Variants in ZNF540 observed in about 807,000 individuals in gnomAD.
ZNF540 encodes CTD-3064H18.6.
A neutral mutation model predicts 11.8 loss-of-function variants in ZNF540; 3 were observed. The observed-to-expected ratio is 0.25, with a 90% CI of 0.12 to 0.65. ZNF540 has a LOEUF of 0.65. Among genes scored for constraint, ZNF540 ranks in the 30% least tolerant of loss-of-function variants. The pLI is 0.83. For missense variants in ZNF540, 709 were observed against 793.1 expected, an observed-to-expected ratio of 0.89 and a Z score of 1.27; for synonymous variants, 247 against 259.0, an observed-to-expected ratio of 0.95 and a Z score of 0.45.
intron 1 of ZNF540, among the ~76,000 whole-genome samples, chr19:37,566,970 C>T (rs548100318): frequency 6.6e-6 from 1 of 152,208 alleles, no homozygotes; most frequent in Admixed American, 6.5e-5. Context: ...CATCACTTAC[C>T]ACTCCCCTAA....
chr19:37,577,321 C>A (rs530421127), intron 1 of ZNF540, among the ~76,000 whole-genome samples: 1 of 152,166 alleles, frequency 6.6e-6, no homozygotes, highest in South Asian at 2.1e-4. Flanking sequence ...TTTATTAAAA[C>A]CAGCCTACAT....
chr19:37,576,026 G>A (rs2147177743), intron 1 of ZNF540, among the ~76,000 whole-genome samples: 1 of 151,024 alleles, frequency 6.6e-6, no homozygotes. Context: ...TTAACTACAG[G>A]TAAGGCATAC....
At chr19:37,589,149 G>A (rs1413552690) in intron 1 of ZNF540, among the ~76,000 whole-genome samples, 7 of 141,378 alleles carry the variant, frequency 5.0e-5, no homozygotes, top group East Asian at 4.2e-4. Flanking sequence ...GCAGTGAGCC[G>A]AGATCATGCC....
chr19:37,609,474 G>A (rs1256207160), intron 4 of ZNF540, among the ~76,000 whole-genome samples: 2 of 152,116 alleles, frequency 1.3e-5, no homozygotes, highest in Non-Finnish European at 2.9e-5. Flanking sequence ...GAACCTGGGA[G>A]GCAGCGGTTG....
At chr19:37,588,596 A>C (rs1485745650) in intron 1 of ZNF540, among the ~76,000 whole-genome samples, 1 of 152,136 alleles carries the variant, frequency 6.6e-6, no homozygotes, top group Non-Finnish European at 1.5e-5. Context: ...AAACCTACCT[A>C]CCTATCAGGT....
intron 1 of ZNF540, among the ~76,000 whole-genome samples, chr19:37,556,613 C>A (rs980816908): frequency 6.6e-6 from 1 of 152,166 alleles, no homozygotes; most frequent in Non-Finnish European, 1.5e-5. Flanking sequence ...GAATTGGATT[C>A]GGATGGGTTC....
intron 1 of ZNF540, among the ~76,000 whole-genome samples, chr19:37,596,477 C>A (rs1201323259): frequency 6.6e-6 from 1 of 152,160 alleles, no homozygotes; most frequent in Non-Finnish European, 1.5e-5. Flanking sequence ...TTGCAGACTC[C>A]CAATCTATAT....
chr19:37,587,828 A>C (rs532513583), intron 1 of ZNF540, among the ~76,000 whole-genome samples: 4 of 152,134 alleles, frequency 2.6e-5, no homozygotes, highest in Non-Finnish European at 4.4e-5. Flanking sequence ...CATTAAGAAT[A>C]CATGGGTTGG....
intron 1 of ZNF540, among the ~76,000 whole-genome samples, chr19:37,560,187 A>G (rs2042701914): frequency 6.6e-6 from 1 of 151,690 alleles, no homozygotes; most frequent in Admixed American, 6.6e-5. Flanking sequence ...CTGAGGCAGG[A>G]GAATTGCTTA....
chr19:37,567,943 T>TC lies in ZNF540; in HGVS notation c.-73+16279dup, dbSNP rs1600465917. Among the ~76,000 whole-genome samples, 4 of 152,334 alleles carry TC rather than the reference T, an allele frequency of 2.6e-5. No homozygotes were observed. The East Asian group carries it at 7.7e-4, about 29-fold the overall frequency. Reference sequence around the variant, plus strand: ...TGTTTTATTCCTTTAATATAGTTTTTCATGTCTTACTTTCCAATATTTATT... The same window carrying TC: ...TGTTTTATTCCTTTAATATAGTTTTTCCATGTCTTACTTTCCAATATTTATT... On this transcript the variant is annotated intron_variant, in intron 1 of 4. Coordinates refer to the ZNF540 transcript ENST00000592533.
chr19:37,611,295 G>A (rs909841688), intron 4 of ZNF540: 1 of 326,296 alleles, frequency 3.1e-6, no homozygotes, highest in Non-Finnish European at 5.6e-6. Flanking sequence ...CCAAAGTGCT[G>A]AGATTACAGG....
intron 2 of ZNF540, among the ~76,000 whole-genome samples, chr19:37,598,915 G>T (rs1043998782): frequency 6.6e-6 from 1 of 152,140 alleles, no homozygotes; most frequent in Non-Finnish European, 1.5e-5. Flanking sequence ...AAAACCCATA[G>T]TAAGACGCAT....
chr19:37,602,328 G>A (rs2044045666), intron 4 of ZNF540, among the ~76,000 whole-genome samples: 1 of 152,172 alleles, frequency 6.6e-6, no homozygotes, highest in Admixed American at 6.5e-5. Context: ...TCGAGATGTT[G>A]AACAGAGATG....
intron 1 of ZNF540, chr19:37,565,004 TCATA>T: frequency 6.2e-7 from 1 of 1,613,980 alleles, no homozygotes; most frequent in Non-Finnish European, 8.5e-7. Flanking sequence ...TTCCTTACAT[TCATA>T]ATGTTTCTCA....
In ZNF540 at chr19:37,612,652, CAG is replaced by C; in HGVS notation, c.1376_1377del (p.Arg459ThrfsTer11). ...FMLRSVLTEH[Q>X]RLHTGVKPYE... is the part of the protein sequence containing the mutation. ...GCTTCGTTCAGTCCTTACTGAACAT[CAG>C]AGACTTCATACTGGTGTGAAGCCCT... On this transcript the variant is annotated frameshift_variant, in exon 5 of 5. Transcript: ENST00000316433. LOFTEE classifies it low-confidence loss of function (END_TRUNC). The C allele has an allele frequency of 6.2e-7, 1 of 1,613,976 alleles. No individual in the cohort carries two copies. The highest frequency in any genetic ancestry group is 8.5e-7 in the Non-Finnish European group (1 of 1,179,952).
chr19:37,576,247 T>C (rs2043239262), intron 1 of ZNF540, among the ~76,000 whole-genome samples: 1 of 152,212 alleles, frequency 6.6e-6, no homozygotes, highest in African/African-American at 2.4e-5. Context: ...ATTTTCCACA[T>C]ATAAGCTAAT....
intron 1 of ZNF540, chr19:37,554,715 T>G (rs1043976811): frequency 6.6e-6 from 1 of 152,204 alleles, no homozygotes; most frequent in Admixed American, 6.5e-5. Context: ...TTCCCACAGA[T>G]CACCAAGACT....
Position 37,569,244 on chromosome 19 carries a change from C to T in ZNF540, c.-73+17579C>T, listed in dbSNP as rs1255246505. On this transcript the variant is annotated intron_variant, in intron 1 of 4. Transcript: ENST00000592533. This position sits in a 1 kb window ranked among gnomAD's most constrained non-coding sequence, Gnocchi z 4.4. ...CTAGGATTACAGGCATGAGTCACTGCGCCTGGCCCCAAAGCATCCGGAACC... is the reference window on the plus strand; with the variant it reads ...CTAGGATTACAGGCATGAGTCACTGTGCCTGGCCCCAAAGCATCCGGAACC... Among the ~76,000 whole-genome samples the T allele has an allele frequency of 1.3e-5, 2 of 152,026 alleles. No homozygotes were observed. The highest frequency in any genetic ancestry group is 3.9e-4 in the East Asian group (2 of 5,178).
chr19:37,587,168 G>A (rs1215763959), intron 1 of ZNF540: 3 of 153,674 alleles, frequency 2.0e-5, no homozygotes, highest in Non-Finnish European at 2.9e-5. Context: ...ATCCAAAACA[G>A]TCTCATCCCA....
Sources: allele counts gnomAD v4.1 joint callset (sites outside exome capture counted in the v4.1 genomes callset), GRCh38; gene constraint gnomAD v4.1.1; non-coding constraint Gnocchi (gnomAD v3.1); transcripts MANE v1.5; gene names NCBI Gene and HGNC (gene_info 2026-07-23, HGNC 2026-07-21).